Variants in NR1I2 observed in about 807,000 individuals in gnomAD.
NR1I2 encodes the protein nuclear receptor subfamily 1 group I member 2.
A neutral mutation model predicts 43.3 loss-of-function variants in NR1I2; 42 were observed. The observed-to-expected ratio is 0.97, with a 90% CI of 0.76 to 1.26. The LOEUF (loss-of-function observed/expected upper bound fraction) is 1.26, where lower values mean the gene tolerates loss of function less well. Ranked by LOEUF, NR1I2 falls within the 50% of genes most tolerant of loss-of-function variation. NR1I2 has a pLI of 0.00. For synonymous variants in NR1I2, 229 were observed against 215.0 expected (o/e 1.06, Z -0.57); for missense variants, 559 against 566.7 (o/e 0.99, Z 0.14).
chr3:119,818,099 G>T lies in NR1I2; in HGVS notation c.*887G>T. 1.0e-6 allele frequency: 1 copy of T among 985,650 alleles called. No homozygotes were observed. The allele number at this position is 985,650 out of a possible 1,614,324, so 61.1% of individuals were successfully genotyped here. ...TTCCCAAGGACATGAGTCTGTAGGAGCAAGGGCACAAACTGCAGCTGTGAG... is the reference window on the plus strand; with the variant it reads ...TTCCCAAGGACATGAGTCTGTAGGATCAAGGGCACAAACTGCAGCTGTGAG... On this transcript the variant is annotated 3_prime_UTR_variant, in exon 9 of 9. Coordinates refer to ENST00000393716, the MANE Select transcript of NR1I2 (RefSeq NM_003889.4).
At chr3:119,792,569 G>T in intron 1 of NR1I2, 3 of 828,610 alleles carry the variant, frequency 3.6e-6, no homozygotes, top group Non-Finnish European at 6.0e-6. Context: ...CACCCTGCCT[G>T]CACCTCCATG....
chr3:119,815,407 T>A lies in NR1I2; in HGVS notation c.1022T>A (p.Val341Glu). 1 of 1,613,208 alleles carries A rather than the reference T, an allele frequency of 6.2e-7. No individual in the cohort carries two copies. The highest frequency in any genetic ancestry group is 8.5e-7 in the Non-Finnish European group (1 of 1,179,966). The change falls in exon 7 of 9, where the codon GTG becomes GAG. Residue 341 changes from valine to glutamate, a missense_variant. Val to Glu is a moderately radical substitution (Grantham distance 121). This residue lies in a region of NR1I2 where 323 missense variants were observed against 312.2 expected (regional missense o/e 1.03). Transcript: ENST00000393716. ...CTGCAGCTGCATGAGGAGGAGTATG[T>A]GCTGATGCAGGCCATCTCCCTCTTC...
chr3:119,810,017 C>A (rs372380275), intron 2 of NR1I2, 44 bp from the exon 3 acceptor site: 31 of 1,612,614 alleles, frequency 1.9e-5, no homozygotes, highest in Admixed American at 3.3e-5. Flanking sequence ...GCCGAGGGCC[C>A]GGGCACCCGT....
intron 1 of NR1I2, among the ~76,000 whole-genome samples, chr3:119,785,706 T>C (rs1487596658): frequency 6.6e-6 from 1 of 152,182 alleles, no homozygotes; most frequent in African/African-American, 2.4e-5. Flanking sequence ...TGGCTTAGCA[T>C]AATCTTATAA....
chr3:119,799,875 G>A (rs1047578916), intron 1 of NR1I2, among the ~76,000 whole-genome samples: 2 of 152,076 alleles, frequency 1.3e-5, no homozygotes, highest in African/African-American at 4.8e-5. Flanking sequence ...AGCTACTCAG[G>A]AGGCTGAGGC....
intron 2 of NR1I2, among the ~76,000 whole-genome samples, chr3:119,808,801 T>C (rs539258956): frequency 6.6e-6 from 1 of 152,346 alleles, no homozygotes; most frequent in Admixed American, 6.5e-5. Flanking sequence ...TTCACAGGGT[T>C]TTAGAACTAA....
At chr3:119,815,261 G>T in intron 6 of NR1I2, 62 bp from the exon 7 acceptor site, 1 of 1,567,498 alleles carries the variant, frequency 6.4e-7, no homozygotes, top group South Asian at 1.1e-5. Flanking sequence ...TATTGGTGAG[G>T]GATGATTAGA....
chr3:119,803,345 T>A (rs2055106006), intron 1 of NR1I2, among the ~76,000 whole-genome samples: 2 of 107,384 alleles, frequency 1.9e-5, no homozygotes, highest in Admixed American at 8.9e-5. Context: ...TTTTTCTGTC[T>A]CAAAAGAGAG....
rs1485624393 is a variant in NR1I2 at position 119,818,126 on chromosome 3, G to A, written c.*914G>A. 1.3e-5 allele frequency: 13 copies of A among 985,474 alleles called. No homozygotes were observed. The highest frequency in any genetic ancestry group is 1.6e-5 in the Non-Finnish European group (13 of 829,938). 61.0% of individuals were successfully genotyped at this position (985,474 alleles called of 1,614,324 possible). On this transcript the variant is annotated 3_prime_UTR_variant, in exon 9 of 9. Transcript: ENST00000393716. ...AAGGGCACAAACTGCAGCTGTGAGT[G>A]CGTGTGTGTGATTTGGTGTAGGTAG...
rs3732360 is a variant in NR1I2, at chr3:119,817,734, C to T, written c.*522C>T. ...CTCCAGGCCTGTACTCATCGGCAGG[C>T]GCATGAGTATCTGTGGGAGTCCTCT... On this transcript the variant is annotated 3_prime_UTR_variant, in exon 9 of 9. Coordinates refer to ENST00000393716, the MANE Select transcript of NR1I2 (RefSeq NM_003889.4). 0.71 allele frequency: 731,048 copies of T among 1,028,112 alleles called. 265,513 individuals are homozygous for T. The highest frequency in any genetic ancestry group is 0.75 in the Non-Finnish European group (637,280 of 854,896). 63.7% of individuals were successfully genotyped at this position (1,028,112 alleles called of 1,614,324 possible).
At chr3:119,796,197 C>T (rs2054996872) in intron 1 of NR1I2, among the ~76,000 whole-genome samples, 1 of 152,176 alleles carries the variant, frequency 6.6e-6, no homozygotes, top group South Asian at 2.1e-4. Context: ...CATCTCAAAT[C>T]ACTTAAACAC....
At chr3:119,782,341 GC>G (rs2054784572) in intron 1 of NR1I2, 41 bp downstream of exon 1, 1 of 169,716 alleles carries the variant, frequency 5.9e-6, no homozygotes, top group Admixed American at 5.7e-5. Flanking sequence ...GGGGCTGACC[GC>G]CCTTCAGCTC....
At chr3:119,807,148 A>C (rs747655553) in intron 1 of NR1I2, 81 bp from the exon 2 acceptor site, 105 of 1,262,728 alleles carry the variant, frequency 8.3e-5, no homozygotes, top group Admixed American at 2.7e-4. Context: ...AGTGATGCAT[A>C]GAAGGGACAG....
chr3:119,797,317 C>CCTCATGAGGCCATTCCTG (rs2055015357), intron 1 of NR1I2, among the ~76,000 whole-genome samples: 1 of 151,830 alleles, frequency 6.6e-6, no homozygotes, highest in African/African-American at 2.4e-5. Flanking sequence ...AAGGAAATGG[C>CCTCATGAGGCCATTCCTG]CTCATGAGGA....
At chr3:119,807,185 T>C in intron 1 of NR1I2, 44 bp from the exon 2 acceptor site, 2 of 1,551,678 alleles carry the variant, frequency 1.3e-6, no homozygotes, top group South Asian at 2.3e-5. Flanking sequence ...CCTCTACACA[T>C]CCCTGTCCAG....
In NR1I2 at chr3:119,817,960, A is replaced by T; in HGVS notation, c.*748A>T. ...AGTTTATAGTTAAAAAAACAAACAG[A>T]AACACAAACGATTTGGATCAAAAGG... On this transcript the variant is annotated 3_prime_UTR_variant, in exon 9 of 9. Coordinates refer to ENST00000393716, the MANE Select transcript of NR1I2 (RefSeq NM_003889.4). 10 of 985,290 alleles carry T rather than the reference A, an allele frequency of 1.0e-5. No individual in the cohort carries two copies. Among genetic ancestry groups the T allele is most frequent in the Non-Finnish European group, 1.2e-5 (10 of 829,784 alleles). 61.0% of individuals were successfully genotyped at this position (985,290 alleles called of 1,614,324 possible). A position where few individuals can be genotyped will look rare whatever the true frequency, so the allele number is the denominator to read the frequency against.
intron 1 of NR1I2, among the ~76,000 whole-genome samples, chr3:119,786,470 C>G (rs4234666): frequency 0.72 from 109,653 of 152,192 alleles, 42,148 homozygotes; most frequent in East Asian, 1. Flanking sequence ...ATCCAAATCC[C>G]TCATGTAATG....
chr3:119,815,502 G>T, intron 7 of NR1I2, 63 bp downstream of exon 7: 1 of 1,387,790 alleles, frequency 7.2e-7, no homozygotes, highest in South Asian at 1.2e-5. Flanking sequence ...CCCAGGGAAG[G>T]TCCCAGTCTA....
intron 1 of NR1I2, chr3:119,792,476 A>G: frequency 9.2e-7 from 1 of 1,088,262 alleles, no homozygotes; most frequent in Non-Finnish European, 1.4e-6. Flanking sequence ...AGAGGACATC[A>G]CGTACCAGCT....
Sources: allele counts gnomAD v4.1 joint callset (sites outside exome capture counted in the v4.1 genomes callset), GRCh38; gene constraint gnomAD v4.1.1; regional missense constraint gnomAD v4.1.1; transcripts MANE v1.5; gene names NCBI Gene and HGNC (gene_info 2026-07-23, HGNC 2026-07-21).